Variants in NEK1 observed in about 807,000 individuals in gnomAD.
The protein encoded by NEK1 is NIMA related kinase 1.
A neutral mutation model predicts 182.1 loss-of-function variants in NEK1; 137 were observed. That is an observed-to-expected ratio of 0.75 (90% CI 0.65 to 0.87). The LOEUF is 0.87. Among genes scored for constraint, NEK1 ranks in the 40% least tolerant of loss-of-function variants. The pLI, the probability that NEK1 is intolerant of heterozygous loss-of-function variation, is 0.00. For missense variants in NEK1, 1,391 were observed against 1,494.4 expected, an observed-to-expected ratio of 0.93 and a Z score of 1.14; for synonymous variants, 513 against 492.2, an observed-to-expected ratio of 1.04 and a Z score of -0.56.
intron 19 of NEK1, among the ~76,000 whole-genome samples, chr4:169,512,840 T>C (rs762665374): frequency 2.0e-5 from 3 of 152,158 alleles, no homozygotes; most frequent in Non-Finnish European, 2.9e-5. Flanking sequence ...CACAATAATA[T>C]TGAAAAGGTT....
rs371180366 is a variant in NEK1, at chr4:169,571,179, A to AAAAAAAAT, written c.1020+5748_1020+5749insATTTTTTT. Among the ~76,000 whole-genome samples the AAAAAAAAT allele has an allele frequency of 3.8e-3, 540 of 143,352 alleles. 4 individuals carry two copies. The highest frequency in any genetic ancestry group is 0.012 in the African/African-American group (475 of 39,574). The allele number at this position is 143,352 out of a possible 152,430, so 94.0% of individuals were successfully genotyped here. ...GAAACACCCAAGAATGATCAATAAA[A>AAAAAAAAT]AAATAAATAAATAAATAAATAAATA... is the stretch of plus-strand genomic sequence containing the variant. On this transcript the variant is annotated intron_variant, in intron 12 of 35. Coordinates refer to ENST00000507142, the MANE Select transcript of NEK1 (RefSeq NM_001199397.3).
intron 6 of NEK1, 28 bp from the exon 7 acceptor site, chr4:169,589,542 C>G: frequency 7.6e-7 from 1 of 1,311,786 alleles, no homozygotes; most frequent in Non-Finnish European, 1.0e-6. Flanking sequence ...AAAAAAAACC[C>G]TAGAAATATT....
chr4:169,400,354 T>G lies in NEK1; in HGVS notation c.3718A>C (p.Ile1240Leu), dbSNP rs1159752485. Residue 1240 changes from isoleucine to leucine, a missense_variant, in exon 35 of 36, where the codon ATT becomes CTT. Transcript: ENST00000507142. The part of the protein sequence containing the change: ...FFEVYEKIKA[I>L]HEDEDENIEI... Reference sequence around the variant, plus strand: ...ATATTTTCATCTTCATCTTCATGAATAGCCTATACCAAATTCCCAAATATA... The same window carrying G: ...ATATTTTCATCTTCATCTTCATGAAGAGCCTATACCAAATTCCCAAATATA... 6.6e-7 allele frequency: 1 copy of G among 1,507,838 alleles called. No homozygotes were observed. The highest frequency in any genetic ancestry group is 1.4e-5 in the African/African-American group (1 of 71,802). 93.4% of individuals were successfully genotyped at this position (1,507,838 alleles called of 1,614,324 possible). A position where few individuals can be genotyped will look rare whatever the true frequency, so the allele number is the denominator to read the frequency against.
At chr4:169,505,986 A>T (rs1158556156) in intron 23 of NEK1, among the ~76,000 whole-genome samples, 1 of 152,092 alleles carries the variant, frequency 6.6e-6, no homozygotes, top group African/African-American at 2.4e-5. Context: ...TAAATGTAGA[A>T]ATTTAACTTG....
At chr4:169,457,631 G>A (rs1303949983) in intron 27 of NEK1, among the ~76,000 whole-genome samples, 1 of 145,402 alleles carries the variant, frequency 6.9e-6, no homozygotes. Flanking sequence ...AAGGAGAAAG[G>A]GAGAAAGAGA....
intron 23 of NEK1, among the ~76,000 whole-genome samples, chr4:169,495,393 G>A (rs1211583970): frequency 3.3e-5 from 5 of 151,872 alleles, no homozygotes; most frequent in African/African-American, 9.7e-5. Flanking sequence ...ACAGGCGCGC[G>A]CCACCATGAC....
At position 169,500,612 on chromosome 4, in the gene NEK1, T is replaced by C. The variant is rs539591236; in HGVS notation, c.2007+6425A>G. Among the ~76,000 whole-genome samples the C allele has an allele frequency of 2.6e-5, 4 of 152,300 alleles. No homozygotes were observed. In the East Asian group the frequency reaches 5.8e-4, roughly 22 times the overall value. ...GACATTGGTGGCCTATTTTTAGCCT[T>C]CTTAAAGAAAAGAAATGCCAGCCAA... On this transcript the variant is annotated intron_variant, in intron 23 of 35. Transcript: ENST00000507142.
intron 10 of NEK1, among the ~76,000 whole-genome samples, chr4:169,583,266 C>CAAAAAAAAAA (rs113591219): frequency 1.6e-5 from 2 of 124,564 alleles, no homozygotes; most frequent in Non-Finnish European, 1.6e-5. Flanking sequence ...GACTCCATCT[C>CAAAAAAAAAA]AAAAAAAAAA....
chr4:169,518,342 G>T (rs1379190007), intron 19 of NEK1, among the ~76,000 whole-genome samples: 1 of 107,382 alleles, frequency 9.3e-6, no homozygotes, highest in Admixed American at 9.0e-5. Context: ...CTGTGGGATC[G>T]GTGGTGATAT....
At chr4:169,502,612 A>G (rs766804324) in intron 23 of NEK1, among the ~76,000 whole-genome samples, 5 of 152,114 alleles carry the variant, frequency 3.3e-5, no homozygotes, top group Non-Finnish European at 7.4e-5. Context: ...CCCCACATAA[A>G]CAGAATTTTA....
At chr4:169,440,399 C>G (rs1249477081) in intron 27 of NEK1, among the ~76,000 whole-genome samples, 1 of 151,250 alleles carries the variant, frequency 6.6e-6, no homozygotes, top group Non-Finnish European at 1.5e-5. Flanking sequence ...TCAATCAATG[C>G]AATTTGCAAC....
At chr4:169,543,714 T>C (rs1468554205) in intron 18 of NEK1, among the ~76,000 whole-genome samples, 2 of 152,220 alleles carry the variant, frequency 1.3e-5, no homozygotes, top group South Asian at 4.1e-4. Flanking sequence ...ACCTTGTAAG[T>C]TGGATTCCCA....
At chr4:169,451,228 G>A (rs1040191699) in intron 27 of NEK1, among the ~76,000 whole-genome samples, 3 of 151,980 alleles carry the variant, frequency 2.0e-5, no homozygotes, top group Non-Finnish European at 4.4e-5. Flanking sequence ...ACAGATCAAC[G>A]AGAAAAAAGG....
intron 5 of NEK1, among the ~76,000 whole-genome samples, chr4:169,597,486 A>C (rs1769714059): frequency 6.6e-6 from 1 of 152,120 alleles, no homozygotes; most frequent in South Asian, 2.1e-4. Context: ...TTTTTAAAAA[A>C]TTAGCTGGGC....
At chr4:169,595,276 G>A (rs1769245594) in intron 5 of NEK1, among the ~76,000 whole-genome samples, 1 of 152,048 alleles carries the variant, frequency 6.6e-6, no homozygotes, top group East Asian at 1.9e-4. Flanking sequence ...ATTTAATTGT[G>A]GTTGTTTGGA....
chr4:169,490,164 C>G (rs1488396367), intron 23 of NEK1, among the ~76,000 whole-genome samples: 2 of 152,168 alleles, frequency 1.3e-5, no homozygotes, highest in Admixed American at 1.3e-4. Flanking sequence ...GCTAAAGTAC[C>G]TGCAGCCATT....
intron 27 of NEK1, among the ~76,000 whole-genome samples, chr4:169,444,674 T>A (rs7699930): frequency 6.6e-6 from 1 of 152,002 alleles, no homozygotes; most frequent in Non-Finnish European, 1.5e-5. Flanking sequence ...CAACGCCCCA[T>A]GGACAGCACT....
rs748957277 is a variant in NEK1 at position 169,562,204 on chromosome 4, A to G, written c.1021-8T>C. The G allele has an allele frequency of 4.1e-5, 63 of 1,518,090 alleles. No individual in the cohort carries two copies. The highest frequency in any genetic ancestry group is 5.3e-5 in the Non-Finnish European group (60 of 1,130,432). The allele number at this position is 1,518,090 out of a possible 1,614,324, so 94.0% of individuals were successfully genotyped here. A position where few individuals can be genotyped will look rare whatever the true frequency, so the allele number is the denominator to read the frequency against. On this transcript the variant is annotated splice_region_variant and splice_polypyrimidine_tract_variant and intron_variant, in intron 12 of 35. Transcript: ENST00000507142. ...CTCTGGAGTTTGATGGGCCTGGACA[A>G]AAAGTAAAACTACAAATTAAATAAA...
At chr4:169,506,859 T>C (rs572722500) in intron 23 of NEK1, 178 bp downstream of exon 23, 2 of 353,946 alleles carry the variant, frequency 5.7e-6, no homozygotes, top group South Asian at 2.3e-4. Flanking sequence ...TATTCTTAAA[T>C]GCGAGAGAGA....
Sources: allele counts gnomAD v4.1 joint callset (sites outside exome capture counted in the v4.1 genomes callset), GRCh38; gene constraint gnomAD v4.1.1; transcripts MANE v1.5; gene names NCBI Gene and HGNC (gene_info 2026-07-23, HGNC 2026-07-21).